The following GLRB variants were observed in gnomAD, a reference collection of about 807,000 sequenced individuals.
The protein encoded by GLRB is glycine receptor subunit beta.
In GLRB, 33 loss-of-function variants were observed where a neutral mutation model predicts 54.2. The ratio of observed to expected loss-of-function variants is 0.61; its 90% CI spans 0.46 to 0.81. The LOEUF (loss-of-function observed/expected upper bound fraction) is 0.81. Among genes scored for constraint, GLRB ranks in the 40% least tolerant of loss-of-function variants. The pLI is 0.00. For missense variants in GLRB, 572 were observed against 584.6 expected, an observed-to-expected ratio of 0.98 and a Z score of 0.22; for synonymous variants, 209 against 208.2, an observed-to-expected ratio of 1.00 and a Z score of -0.03.
chr4:157,122,704 A>G (rs1735876859), intron 4 of GLRB, among the ~76,000 whole-genome samples: 1 of 151,772 alleles, frequency 6.6e-6, no homozygotes, highest in Non-Finnish European at 1.5e-5. Context: ...CTTGGGCAAC[A>G]GTTTTTGTTT....
chr4:157,084,682 A>C, intron 2 of GLRB: 1 of 456,156 alleles, frequency 2.2e-6, no homozygotes, highest in South Asian at 1.5e-5. Flanking sequence ...TGTACCATTG[A>C]ATGACAGCAT....
intron 9 of GLRB, among the ~76,000 whole-genome samples, chr4:157,162,124 G>A (rs1015688068): frequency 6.6e-6 from 1 of 152,012 alleles, no homozygotes; most frequent in Middle Eastern, 3.2e-3. Flanking sequence ...TGATCAAATC[G>A]GCGACTGAAG....
intron 2 of GLRB, among the ~76,000 whole-genome samples, chr4:157,081,723 T>A (rs570810378): frequency 5.9e-5 from 9 of 152,202 alleles, no homozygotes; most frequent in Non-Finnish European, 1.3e-4. Context: ...TGACTCCTTT[T>A]CAGTTTTCCT....
intron 2 of GLRB, among the ~76,000 whole-genome samples, chr4:157,088,774 T>G (rs966803871): frequency 1.3e-5 from 2 of 152,170 alleles, no homozygotes; most frequent in Admixed American, 1.3e-4. Context: ...CCCCTATGTT[T>G]TAAATTTTCT....
intron 3 of GLRB, among the ~76,000 whole-genome samples, chr4:157,121,511 C>G (rs115083228): frequency 0.02 from 2,933 of 147,856 alleles, 76 homozygotes; most frequent in African/African-American, 0.067. Context: ...TGCTTCTAGT[C>G]AACTGAAGTT....
At chr4:157,089,316 C>CAG in intron 2 of GLRB, among the ~76,000 whole-genome samples, 3 of 152,048 alleles carry the variant, frequency 2.0e-5, no homozygotes, top group Non-Finnish European at 4.4e-5. Flanking sequence ...GGAGAATCAC[C>CAG]TGAGTCCAGG....
At chr4:157,119,928 G>A (rs1225085579) in intron 2 of GLRB, among the ~76,000 whole-genome samples, 1 of 151,770 alleles carries the variant, frequency 6.6e-6, no homozygotes, top group Non-Finnish European at 1.5e-5. Context: ...AAAGACACAT[G>A]CACACATATG....
At chr4:157,160,302 T>G (rs1251643663) in intron 9 of GLRB, among the ~76,000 whole-genome samples, 2 of 152,168 alleles carry the variant, frequency 1.3e-5, no homozygotes, top group Admixed American at 1.3e-4. Context: ...ATTCATTGAT[T>G]TTTGAAGGGC....
chr4:157,137,523 T>C (rs1026582896), intron 6 of GLRB, among the ~76,000 whole-genome samples: 1 of 151,728 alleles, frequency 6.6e-6, no homozygotes, highest in Admixed American at 6.6e-5. Context: ...TTAGCCTGAA[T>C]ACATGGATCA....
At position 157,143,744 on chromosome 4, in the gene GLRB, A is replaced by G. The variant is rs989705299; in HGVS notation, c.752-63A>G. 7 of 1,506,162 alleles carry G rather than the reference A, an allele frequency of 4.6e-6. No individual in the cohort carries two copies. In the African/African-American group the frequency reaches 8.2e-5, roughly 18 times the overall value. The allele number at this position is 1,506,162 out of a possible 1,614,324, so 93.3% of individuals were successfully genotyped here. On this transcript the variant is annotated intron_variant, in intron 7 of 9. Transcript: ENST00000264428. ...GTGACTTACCGTTTCCAGGTCTGTCATTGATGTTTGCCATTCTGTGTGGGT... is the reference window on the plus strand; with the variant it reads ...GTGACTTACCGTTTCCAGGTCTGTCGTTGATGTTTGCCATTCTGTGTGGGT...
intron 4 of GLRB, among the ~76,000 whole-genome samples, chr4:157,124,192 G>A (rs988976360): frequency 1.5e-4 from 23 of 151,748 alleles, no homozygotes; most frequent in Admixed American, 8.6e-4. Context: ...CCAGTAGTTA[G>A]CCAAGAATAA....
intron 2 of GLRB, among the ~76,000 whole-genome samples, chr4:157,113,176 G>A (rs753336959): frequency 4.9e-4 from 74 of 151,892 alleles, no homozygotes; most frequent in Middle Eastern, 3.2e-3. Flanking sequence ...CGTTGGGCCA[G>A]GAGGGAAATA....
chr4:157,148,750 C>G (rs1465275000), intron 8 of GLRB, among the ~76,000 whole-genome samples: 1 of 152,000 alleles, frequency 6.6e-6, no homozygotes, highest in South Asian at 2.1e-4. Flanking sequence ...TTTTTTTAAA[C>G]AGCCCATTCT....
rs149414088 is a variant in GLRB at position 157,100,823 on chromosome 4, A to C, written c.123-19733A>C. Among the ~76,000 whole-genome samples the C allele has an allele frequency of 2.0e-5, 3 of 152,286 alleles. No individual in the cohort carries two copies. In the South Asian group the frequency reaches 6.2e-4, roughly 32 times the overall value. On this transcript the variant is annotated intron_variant, in intron 2 of 9. Transcript: ENST00000264428. ...ATATGAACCTTAGCAAATACAAACTATGACACTGAATAGTACACTTTGAAA... is the reference window on the plus strand; with the variant it reads ...ATATGAACCTTAGCAAATACAAACTCTGACACTGAATAGTACACTTTGAAA...
At chr4:157,153,058 A>C in intron 9 of GLRB, 48 bp downstream of exon 9, 1 of 1,465,144 alleles carries the variant, frequency 6.8e-7, no homozygotes, top group Non-Finnish European at 9.6e-7. Flanking sequence ...ACCACTTCAT[A>C]GTGTCAAGAG....
chr4:157,088,191 T>C (rs535282339), intron 2 of GLRB, among the ~76,000 whole-genome samples: 2 of 152,266 alleles, frequency 1.3e-5, no homozygotes, highest in South Asian at 4.1e-4. Context: ...CCTGGGCTGA[T>C]TGCTGAGAAT....
At position 157,081,847 on chromosome 4, in the gene GLRB, A is replaced by G. The variant is rs545446480; in HGVS notation, c.122+3701A>G. Reference sequence around the variant, plus strand: ...CAATATTGAGAACACTTTAAAGGACACCATAGTGTTCTGGATAAGGTGGAA... The same window carrying G: ...CAATATTGAGAACACTTTAAAGGACGCCATAGTGTTCTGGATAAGGTGGAA... On this transcript the variant is annotated intron_variant, in intron 2 of 9. Coordinates refer to ENST00000264428, the MANE Select transcript of GLRB (RefSeq NM_000824.5). Among the ~76,000 whole-genome samples the G allele has an allele frequency of 1.0e-3, 152 of 152,272 alleles. 1 individual carries two copies. In the Middle Eastern group the frequency reaches 0.041, roughly 41 times the overall value.
chr4:157,104,928 C>T (rs964808399), intron 2 of GLRB, among the ~76,000 whole-genome samples: 3 of 151,512 alleles, frequency 2.0e-5, no homozygotes, highest in Admixed American at 2.0e-4. Flanking sequence ...ATTTTGATTT[C>T]TTCTTTTGAT....
chr4:157,085,450 C>T (rs1490477324), intron 2 of GLRB, among the ~76,000 whole-genome samples: 1 of 152,080 alleles, frequency 6.6e-6, no homozygotes, highest in Non-Finnish European at 1.5e-5. Context: ...CCTAGTTATT[C>T]ACCCTAGCTT....
Sources: allele counts gnomAD v4.1 joint callset (sites outside exome capture counted in the v4.1 genomes callset), GRCh38; gene constraint gnomAD v4.1.1; transcripts MANE v1.5; gene names NCBI Gene and HGNC (gene_info 2026-07-23, HGNC 2026-07-21).